PLSCR5: variants seen among roughly 807,000 people sequenced by gnomAD.
PLSCR5 encodes phospholipid scramblase family, member 5.
PLSCR5 carries 44 observed loss-of-function variants against 33.6 expected under a neutral mutation model. That is an observed-to-expected ratio of 1.31 (90% CI 1.03 to 1.69). PLSCR5 has a LOEUF of 1.69. Ranked by LOEUF, PLSCR5 falls within the 40% of genes most tolerant of loss-of-function variation. The pLI is 0.00. For missense variants in PLSCR5, 375 were observed against 318.7 expected (o/e 1.18, Z -1.34); for synonymous variants, 148 against 112.3 (o/e 1.32, Z -2.01).
intron 7 of PLSCR5, among the ~76,000 whole-genome samples, chr3:146,578,381 T>G (rs1489449730): frequency 6.6e-6 from 1 of 152,162 alleles, no homozygotes; most frequent in East Asian, 1.9e-4. Flanking sequence ...ATGTTACCTT[T>G]CTAAATAGAA....
intron 1 of PLSCR5, among the ~76,000 whole-genome samples, chr3:146,604,566 T>C (rs1487587928): frequency 6.6e-6 from 1 of 152,070 alleles, no homozygotes; most frequent in Non-Finnish European, 1.5e-5. Flanking sequence ...ATAACGCATG[T>C]CAGATTCTTT....
At chr3:146,605,059 A>C (rs1169045828) in intron 1 of PLSCR5, 141 bp downstream of exon 1, 5 of 828,478 alleles carry the variant, frequency 6.0e-6, no homozygotes, top group Non-Finnish European at 8.9e-6. Flanking sequence ...CCTGGGAGTT[A>C]AGATTTTAAA....
intron 2 of PLSCR5, among the ~76,000 whole-genome samples, chr3:146,597,896 T>G (rs995070120): frequency 6.6e-6 from 1 of 152,202 alleles, no homozygotes; most frequent in Non-Finnish European, 1.5e-5. Flanking sequence ...ATAAATTGGA[T>G]ATTTACATGT....
chr3:146,595,584 G>A (rs1026378859), intron 2 of PLSCR5, among the ~76,000 whole-genome samples: 1 of 152,032 alleles, frequency 6.6e-6, no homozygotes, highest in African/African-American at 2.4e-5. Context: ...CTAGTCCCCA[G>A]AGGGGAGACT....
chr3:146,592,702 G>C (rs1478156266), intron 4 of PLSCR5, among the ~76,000 whole-genome samples: 2 of 152,042 alleles, frequency 1.3e-5, no homozygotes, highest in Non-Finnish European at 2.9e-5. Context: ...AATTAATATA[G>C]ATTTGCTCTG....
intron 6 of PLSCR5, 92 bp downstream of exon 6, chr3:146,589,561 G>GT: frequency 8.4e-7 from 1 of 1,196,130 alleles, no homozygotes; most frequent in Non-Finnish European, 1.1e-6. Context: ...CTCTTTGGGG[G>GT]TAAAAACTGT....
chr3:146,581,784 A>G (rs1250081304), downstream of PLSCR5, among the ~76,000 whole-genome samples: 1 of 152,204 alleles, frequency 6.6e-6, no homozygotes, highest in Non-Finnish European at 1.5e-5. Context: ...CATGTTGTAC[A>G]TGATAAATAT....
At chr3:146,603,463 T>C (rs1189501984) in intron 1 of PLSCR5, among the ~76,000 whole-genome samples, 1 of 152,112 alleles carries the variant, frequency 6.6e-6, no homozygotes, top group Non-Finnish European at 1.5e-5. Context: ...TTTGAGCCGG[T>C]TGCAGAAGGA....
chr3:146,587,671 A>C (rs1217312862), intron 6 of PLSCR5, among the ~76,000 whole-genome samples: 1 of 152,022 alleles, frequency 6.6e-6, no homozygotes, highest in African/African-American at 2.4e-5. Flanking sequence ...GGCAACAGGC[A>C]AGGTGGACTA....
At chr3:146,595,481 C>T (rs1005612692) in intron 2 of PLSCR5, among the ~76,000 whole-genome samples, 1 of 151,960 alleles carries the variant, frequency 6.6e-6, no homozygotes, top group Non-Finnish European at 1.5e-5. Flanking sequence ...TAGTGGCGTG[C>T]GCCTCTAGTC....
chr3:146,605,189 T>A lies in PLSCR5; in HGVS notation c.13+11A>T. 6.2e-7 allele frequency: 1 copy of A among 1,608,340 alleles called. No individual in the cohort carries two copies. The highest frequency in any genetic ancestry group is 8.5e-7 in the Non-Finnish European group (1 of 1,176,216). On this transcript the variant is annotated intron_variant, in intron 1 of 7. Coordinates refer to ENST00000443512, the MANE Select transcript of PLSCR5 (RefSeq NM_001085420.2). ...AAGAAAAAGTTATTAGTTGGTTATATTTACTCTTACCTTTAGAGGCCATGA... is the reference window on the plus strand; with the variant it reads ...AAGAAAAAGTTATTAGTTGGTTATAATTACTCTTACCTTTAGAGGCCATGA...
At chr3:146,598,496 G>T (rs2044782308) in intron 2 of PLSCR5, among the ~76,000 whole-genome samples, 1 of 152,122 alleles carries the variant, frequency 6.6e-6, no homozygotes, top group Non-Finnish European at 1.5e-5. Flanking sequence ...ATTAACAAAG[G>T]TATATTTTTG....
intron 7 of PLSCR5, among the ~76,000 whole-genome samples, chr3:146,580,687 T>G (rs369881929): frequency 6.6e-6 from 1 of 152,120 alleles, no homozygotes; most frequent in African/African-American, 2.4e-5. Context: ...GTTCGAGAAC[T>G]CCTGAGCTCA....
At chr3:146,604,452 C>T (rs947676264) in intron 1 of PLSCR5, among the ~76,000 whole-genome samples, 2 of 152,060 alleles carry the variant, frequency 1.3e-5, no homozygotes, top group African/African-American at 2.4e-5. Context: ...CAGATATTTT[C>T]TGTTTGTTTT....
rs931768936 is a variant in PLSCR5, at chr3:146,592,058, CAAAG to C, written c.454-181_454-178del. Among the ~76,000 whole-genome samples, 15 of 152,064 alleles carry C rather than the reference CAAAG, an allele frequency of 9.9e-5. 1 individual carries two copies. The highest frequency in any genetic ancestry group is 3.6e-4 in the African/African-American group (15 of 41,530). On this transcript the variant is annotated intron_variant, in intron 4 of 7. Coordinates refer to ENST00000443512, the MANE Select transcript of PLSCR5 (RefSeq NM_001085420.2). ...ATTTTATAAAATATTTTACAGAAAA[CAAAG>C]AAATTCACTGTATAAACATACGTTT...
At chr3:146,600,167 C>CT in intron 2 of PLSCR5, 121 bp downstream of exon 2, 1 of 728,250 alleles carries the variant, frequency 1.4e-6, no homozygotes, top group South Asian at 7.2e-5. Flanking sequence ...ATTTATAATG[C>CT]TTTTTTCATT....
In PLSCR5 at chr3:146,589,670, C is replaced by T. The variant is rs368225929; in HGVS notation, c.760G>A (p.Gly254Ser). ...ATACTTACAAAGAGAAAACAGGCACCGATCATTGCTGCTTTGACTGTTACA... is the reference window on the plus strand; with the variant it reads ...ATACTTACAAAGAGAAAACAGGCACTGATCATTGCTGCTTTGACTGTTACA... ...LDVTVKAAMI[G>S]ACFLFDFMFF... Residue 254 changes from glycine to serine, a missense_variant, in exon 6 of 8, where the codon GGT becomes AGT. Gly to Ser is a moderately conservative substitution (Grantham distance 56, BLOSUM62 0). Transcript: ENST00000443512. The T allele has an allele frequency of 4.9e-5, 78 of 1,587,072 alleles. No individual in the cohort carries two copies. Among genetic ancestry groups the T allele is most frequent in the African/African-American group, 1.2e-4 (9 of 74,160 alleles).
At chr3:146,583,317 T>A (rs2044646401), downstream of PLSCR5, among the ~76,000 whole-genome samples, 1 of 152,208 alleles carries the variant, frequency 6.6e-6, no homozygotes, top group African/African-American at 2.4e-5. Context: ...AATAAATATT[T>A]ATTTAAATGA....
At chr3:146,599,919 C>T (rs2044797139) in intron 2 of PLSCR5, among the ~76,000 whole-genome samples, 1 of 152,032 alleles carries the variant, frequency 6.6e-6, no homozygotes, top group South Asian at 2.1e-4. Context: ...ATGCCATGGG[C>T]TCCCAAAATG....
Sources: allele counts gnomAD v4.1 joint callset (sites outside exome capture counted in the v4.1 genomes callset), GRCh38; gene constraint gnomAD v4.1.1; transcripts MANE v1.5; gene names NCBI Gene and HGNC (gene_info 2026-07-23, HGNC 2026-07-21).